Variants in FHIT observed in about 807,000 individuals in gnomAD.
FHIT encodes the protein fragile histidine triad diadenosine triphosphatase.
In FHIT, 19 loss-of-function variants were observed where a neutral mutation model predicts 17.9. The ratio of observed to expected loss-of-function variants is 1.06; its 90% CI spans 0.74 to 1.56. The LOEUF (loss-of-function observed/expected upper bound fraction) is 1.56. FHIT is among the 40% of genes most tolerant of loss of function. The pLI is 0.00. For synonymous variants in FHIT, 81 were observed against 69.7 expected, an observed-to-expected ratio of 1.16 and a Z score of -0.81; for missense variants, 248 against 189.2, an observed-to-expected ratio of 1.31 and a Z score of -1.82.
In FHIT at chr3:60,789,171, TATATAG is replaced by T. The variant is rs782645203; in HGVS notation, c.-18+32742_-18+32747del. 1.5e-3 allele frequency among the ~76,000 whole-genome samples: 201 copies of T among 130,140 alleles called. 2 individuals carry two copies. The highest frequency in any genetic ancestry group is 2.4e-3 in the African/African-American group (77 of 32,150). The allele number at this position is 130,140 out of a possible 152,430, so 85.4% of individuals were successfully genotyped here. On this transcript the variant is annotated intron_variant, in intron 4 of 9. Transcript: ENST00000492590. ...GTGTGTGTGTGTATATATATATATA[TATATAG>T]AGAGAGAGAGAGAGAGAGAGAGACA...
intron 3 of FHIT, among the ~76,000 whole-genome samples, chr3:60,964,836 T>G (rs184332147): frequency 1.1e-4 from 17 of 152,186 alleles, no homozygotes; most frequent in African/African-American, 3.6e-4. Flanking sequence ...GTGGGTAACC[T>G]GACCTTTCTC....
At chr3:59,783,879 A>C (rs1189795939) in intron 8 of FHIT, among the ~76,000 whole-genome samples, 1 of 152,134 alleles carries the variant, frequency 6.6e-6, no homozygotes, top group Non-Finnish European at 1.5e-5. Flanking sequence ...TCCTGTAAGG[A>C]ACCACAGGAG....
At chr3:61,154,380 C>G (rs1392511215) in intron 2 of FHIT, among the ~76,000 whole-genome samples, 1 of 152,016 alleles carries the variant, frequency 6.6e-6, no homozygotes, top group African/African-American at 2.4e-5. Flanking sequence ...AAGGAAGAAC[C>G]TGCAGAATCA....
intron 5 of FHIT, among the ~76,000 whole-genome samples, chr3:60,060,510 C>T (rs371754943): frequency 1.3e-5 from 2 of 152,252 alleles, no homozygotes; most frequent in East Asian, 3.9e-4. Context: ...CTTTATGTGT[C>T]AGAAATATTA....
chr3:59,976,988 G>T (rs1328783949), intron 7 of FHIT, among the ~76,000 whole-genome samples: 1 of 152,096 alleles, frequency 6.6e-6, no homozygotes, highest in East Asian at 1.9e-4. Flanking sequence ...CCTGGTTGGG[G>T]TTGGGGTCTC....
intron 5 of FHIT, among the ~76,000 whole-genome samples, chr3:60,056,643 A>G (rs925843410): frequency 2.0e-5 from 3 of 152,222 alleles, no homozygotes; most frequent in African/African-American, 7.2e-5. Flanking sequence ...ACCGGTCTCC[A>G]TGTCATGCAG....
chr3:59,942,924 C>T (rs1316572951), intron 7 of FHIT, among the ~76,000 whole-genome samples: 2 of 152,128 alleles, frequency 1.3e-5, no homozygotes, highest in African/African-American at 4.8e-5. Context: ...GCTGGGATTA[C>T]AAGCATGACC....
chr3:60,945,686 C>T lies in FHIT; in HGVS notation c.-111+96361G>A, dbSNP rs188700897. The stretch of plus-strand genomic sequence containing the variant: ...GGGTTTATACAGTTCATGCAGAATA[C>T]CAGAAAGGGAGATGGGGACTGTGGG... On this transcript the variant is annotated intron_variant, in intron 3 of 9. Transcript: ENST00000492590. 2.6e-5 allele frequency among the ~76,000 whole-genome samples: 4 copies of T among 152,190 alleles called. No homozygotes were observed. In the East Asian group the frequency reaches 7.7e-4, roughly 29 times the overall value.
intron 5 of FHIT, among the ~76,000 whole-genome samples, chr3:60,497,273 A>T (rs1348144824): frequency 6.6e-6 from 1 of 152,214 alleles, no homozygotes; most frequent in Non-Finnish European, 1.5e-5. Flanking sequence ...GAAGGAGAAT[A>T]AGATGACAGG....
At chr3:61,113,130 A>G (rs1405968884) in intron 2 of FHIT, among the ~76,000 whole-genome samples, 1 of 151,928 alleles carries the variant, frequency 6.6e-6, no homozygotes, top group African/African-American at 2.4e-5. Flanking sequence ...CAGCACCCCA[A>G]GTAACTGGGA....
intron 3 of FHIT, among the ~76,000 whole-genome samples, chr3:60,834,638 T>A (rs1702464221): frequency 6.6e-6 from 1 of 151,950 alleles, no homozygotes; most frequent in African/African-American, 2.4e-5. Flanking sequence ...AGGGTGGATC[T>A]TTTGAGGTCA....
At chr3:59,929,957 C>G (rs182884727) in intron 7 of FHIT, among the ~76,000 whole-genome samples, 1 of 150,276 alleles carries the variant, frequency 6.7e-6, no homozygotes, top group African/African-American at 2.5e-5. Flanking sequence ...CCTGGAAACA[C>G]GAGTAAGGGA....
At chr3:61,025,030 A>C (rs980358532) in intron 3 of FHIT, among the ~76,000 whole-genome samples, 5 of 138,826 alleles carry the variant, frequency 3.6e-5, no homozygotes, top group African/African-American at 1.5e-4. Flanking sequence ...CCTTCTCTCC[A>C]CTCTCCATTT....
chr3:59,965,567 A>G (rs1707888893), intron 7 of FHIT, among the ~76,000 whole-genome samples: 1 of 152,162 alleles, frequency 6.6e-6, no homozygotes, highest in Admixed American at 6.6e-5. Context: ...TAACAAATCC[A>G]TGAGTGATCA....
intron 7 of FHIT, among the ~76,000 whole-genome samples, chr3:59,974,689 C>G (rs568083080): frequency 6.6e-6 from 1 of 152,090 alleles, no homozygotes; most frequent in African/African-American, 2.4e-5. Context: ...GTGTGCACAG[C>G]AGCCAAGCCC....
chr3:60,652,165 G>T (rs1485844977), intron 4 of FHIT, among the ~76,000 whole-genome samples: 1 of 152,126 alleles, frequency 6.6e-6, no homozygotes, highest in Non-Finnish European at 1.5e-5. Context: ...GCTGAAAAGG[G>T]GGGTTAATTA....
At chr3:61,226,272 G>A (rs1286192145) in intron 1 of FHIT, among the ~76,000 whole-genome samples, 1 of 151,986 alleles carries the variant, frequency 6.6e-6, no homozygotes, top group African/African-American at 2.4e-5. Flanking sequence ...TTTTGATAAC[G>A]GGAAACACTT....
chr3:61,101,718 CTTTTA>C (rs1297284172), intron 2 of FHIT, among the ~76,000 whole-genome samples: 1 of 152,156 alleles, frequency 6.6e-6, no homozygotes, highest in African/African-American at 2.4e-5. Context: ...TTTGTGTCCT[CTTTTA>C]TTTTGTTGAG....
intron 4 of FHIT, among the ~76,000 whole-genome samples, chr3:60,642,539 TG>T (rs1559607569): frequency 6.6e-6 from 1 of 152,230 alleles, no homozygotes; most frequent in East Asian, 1.9e-4. Context: ...TTCTCAAGTT[TG>T]TAAAACAAAA....
Sources: gnomAD v4.1 joint callset for allele counts (sites outside exome capture counted in the v4.1 genomes callset) on GRCh38, gnomAD v4.1.1 for gene constraint, MANE v1.5 for transcripts, NCBI Gene and HGNC (gene_info 2026-07-23, HGNC 2026-07-21) for gene names.